KCNIP4: variants seen among roughly 807,000 people sequenced by gnomAD.
The protein encoded by KCNIP4 is potassium voltage-gated channel interacting protein 4, also known as Kv channel-interacting protein 4.
Under a neutral mutation model 34.0 loss-of-function variants are expected in KCNIP4, and 12 were observed. The observed-to-expected ratio is 0.35, with a 90% CI of 0.23 to 0.57. The LOEUF (loss-of-function observed/expected upper bound fraction) is 0.57, where lower values mean the gene tolerates loss of function less well. Among genes scored for constraint, KCNIP4 ranks in the 20% least tolerant of loss-of-function variants. The pLI, the probability that KCNIP4 is intolerant of heterozygous loss-of-function variation, is 0.83. For missense variants in KCNIP4, 238 were observed against 311.7 expected (o/e 0.76, Z 1.78); for synonymous variants, 124 against 102.2 (o/e 1.21, Z -1.29).
intron 1 of KCNIP4, among the ~76,000 whole-genome samples, chr4:21,087,920 A>G (rs1746614312): frequency 6.6e-6 from 1 of 152,170 alleles, no homozygotes; most frequent in South Asian, 2.1e-4. Flanking sequence ...ATTTATTTCA[A>G]GATACGCTTC....
chr4:21,157,340 ATT>A (rs2109265147), intron 1 of KCNIP4, among the ~76,000 whole-genome samples: 1 of 89,130 alleles, frequency 1.1e-5, no homozygotes, highest in African/African-American at 5.5e-5. Context: ...CATTCAATGT[ATT>A]CTTTTTTTTT....
intron 1 of KCNIP4, among the ~76,000 whole-genome samples, chr4:21,334,436 C>A (rs939212292): frequency 1.3e-5 from 2 of 151,964 alleles, no homozygotes; most frequent in Non-Finnish European, 2.9e-5. Flanking sequence ...AGGTACCCGG[C>A]AGAGTGAATG....
At chr4:21,917,070 G>C (rs1158591246) in intron 1 of KCNIP4, among the ~76,000 whole-genome samples, 1 of 152,076 alleles carries the variant, frequency 6.6e-6, no homozygotes, top group Non-Finnish European at 1.5e-5. Context: ...TTATGTAATC[G>C]ACTAGTGTGA....
At chr4:20,819,934 A>T (rs1281353592) in intron 3 of KCNIP4, among the ~76,000 whole-genome samples, 1 of 152,196 alleles carries the variant, frequency 6.6e-6, no homozygotes, top group African/African-American at 2.4e-5. Flanking sequence ...AATTTCTATT[A>T]TTGATAAGTT....
intron 1 of KCNIP4, among the ~76,000 whole-genome samples, chr4:21,732,199 T>C (rs2109113334): frequency 6.6e-6 from 1 of 152,156 alleles, no homozygotes; most frequent in South Asian, 2.1e-4. Flanking sequence ...TAAAAATAAT[T>C]ATTCTTCATT....
At chr4:21,912,961 T>G (rs1475211139) in intron 1 of KCNIP4, among the ~76,000 whole-genome samples, 1 of 151,958 alleles carries the variant, frequency 6.6e-6, no homozygotes, top group Non-Finnish European at 1.5e-5. Flanking sequence ...GAGAGTAAAC[T>G]GAAGAAGACA....
At chr4:20,865,580 C>A (rs1436771211) in intron 2 of KCNIP4, among the ~76,000 whole-genome samples, 1 of 151,714 alleles carries the variant, frequency 6.6e-6, no homozygotes, top group Non-Finnish European at 1.5e-5. Context: ...CCTGGAGGAC[C>A]TTATGTTAAG....
intron 1 of KCNIP4, among the ~76,000 whole-genome samples, chr4:21,068,865 T>A (rs572443093): frequency 7.2e-5 from 11 of 152,332 alleles, no homozygotes; most frequent in Non-Finnish European, 1.6e-4. Context: ...TAAATATTGT[T>A]GAGTGAATGA....
intron 1 of KCNIP4, among the ~76,000 whole-genome samples, chr4:21,275,673 C>T (rs1762395186): frequency 6.6e-6 from 1 of 152,056 alleles, no homozygotes; most frequent in Non-Finnish European, 1.5e-5. Flanking sequence ...ATGGCTGGGA[C>T]AAAAGTCAAA....
intron 1 of KCNIP4, among the ~76,000 whole-genome samples, chr4:21,055,824 G>A (rs1363359736): frequency 1.3e-5 from 2 of 152,136 alleles, no homozygotes; most frequent in Non-Finnish European, 2.9e-5. Context: ...GATTATTAAC[G>A]AAGTAAAAAA....
At chr4:21,268,210 T>C (rs964745869) in intron 1 of KCNIP4, among the ~76,000 whole-genome samples, 10 of 152,062 alleles carry the variant, frequency 6.6e-5, no homozygotes, top group African/African-American at 2.4e-4. Flanking sequence ...AATTTCAACA[T>C]CAGAGTTTTC....
At chr4:21,013,708 T>C (rs1739262658) in intron 1 of KCNIP4, among the ~76,000 whole-genome samples, 1 of 152,180 alleles carries the variant, frequency 6.6e-6, no homozygotes, top group African/African-American at 2.4e-5. Flanking sequence ...ACTGTTGTGG[T>C]GGATGTCAGT....
intron 1 of KCNIP4, among the ~76,000 whole-genome samples, chr4:21,153,922 C>G (rs10003703): frequency 0.65 from 98,638 of 151,508 alleles, 32,566 homozygotes; most frequent in African/African-American, 0.75. Flanking sequence ...TACAGCCAAA[C>G]ACCCACACCG....
At chr4:21,016,803 T>G (rs1739587447) in intron 1 of KCNIP4, among the ~76,000 whole-genome samples, 1 of 152,086 alleles carries the variant, frequency 6.6e-6, no homozygotes, top group South Asian at 2.1e-4. Flanking sequence ...CAGCAAACAC[T>G]GAGGGAATAA....
intron 1 of KCNIP4, among the ~76,000 whole-genome samples, chr4:21,402,693 C>T (rs1436710350): frequency 6.6e-6 from 1 of 152,180 alleles, no homozygotes; most frequent in Non-Finnish European, 1.5e-5. Flanking sequence ...TACCTGCTTA[C>T]ACAGCTTGCT....
intron 1 of KCNIP4, among the ~76,000 whole-genome samples, chr4:21,070,436 T>G (rs1259785167): frequency 6.6e-6 from 1 of 151,224 alleles, no homozygotes. Context: ...TTTTGAGTGG[T>G]GTACTGGCTT....
intron 1 of KCNIP4, among the ~76,000 whole-genome samples, chr4:21,588,475 C>T (rs1285382167): frequency 1.3e-5 from 2 of 151,972 alleles, no homozygotes; most frequent in Admixed American, 6.6e-5. Flanking sequence ...CCTCCTTCTC[C>T]GATGGTTTGT....
intron 1 of KCNIP4, among the ~76,000 whole-genome samples, chr4:21,000,187 A>G (rs1737983857): frequency 6.6e-6 from 1 of 152,144 alleles, no homozygotes; most frequent in African/African-American, 2.4e-5. Flanking sequence ...GATTAGCAAA[A>G]AATTTGGCTA....
At chr4:21,600,027 A>T (rs1742978377) in intron 1 of KCNIP4, among the ~76,000 whole-genome samples, 1 of 152,092 alleles carries the variant, frequency 6.6e-6, no homozygotes, top group Admixed American at 6.6e-5. Context: ...TCCTCAGATC[A>T]CATCTTAAGA....
Sources: allele counts gnomAD v4.1 joint callset (sites outside exome capture counted in the v4.1 genomes callset), GRCh38; gene constraint gnomAD v4.1.1; transcripts MANE v1.5; gene names NCBI Gene and HGNC (gene_info 2026-07-23, HGNC 2026-07-21).